The following ZNF536 variants were observed in gnomAD, a reference collection of about 807,000 sequenced individuals.
ZNF536 encodes zinc finger protein 536.
In ZNF536, 13 loss-of-function variants were observed where a neutral mutation model predicts 84.5. That is an observed-to-expected ratio of 0.15 (90% CI 0.10 to 0.24). ZNF536 has a LOEUF of 0.24. Among genes scored for constraint, ZNF536 ranks in the 10% least tolerant of loss-of-function variants. The pLI is 1.00. For missense variants in ZNF536, 1,536 were observed against 1,747.5 expected (o/e 0.88, Z 2.16); for synonymous variants, 811 against 742.5 (o/e 1.09, Z -1.50).
intron 1 of ZNF536, among the ~76,000 whole-genome samples, chr19:30,646,545 G>C (rs535878931): frequency 3.3e-5 from 5 of 152,234 alleles, no homozygotes; most frequent in African/African-American, 9.6e-5. Context: ...ACGTGTGGAT[G>C]TGTGACTTTG....
intron 1 of ZNF536, among the ~76,000 whole-genome samples, chr19:30,598,969 C>CTCT (rs1427009253): frequency 3.3e-5 from 2 of 59,892 alleles, no homozygotes; most frequent in East Asian, 4.8e-4. Flanking sequence ...TCCTCCTTCC[C>CTCT]TCCTTCCCTC....
chr19:30,240,196 C>T (rs1051153150), intron 1 of ZNF536, among the ~76,000 whole-genome samples: 1 of 151,922 alleles, frequency 6.6e-6, no homozygotes, highest in Non-Finnish European at 1.5e-5. Flanking sequence ...TGATGAAACC[C>T]CATCTGTACT....
intron 2 of ZNF536, among the ~76,000 whole-genome samples, chr19:30,472,483 T>A (rs1382963627): frequency 1.3e-5 from 2 of 152,090 alleles, no homozygotes; most frequent in African/African-American, 4.8e-5. Context: ...ATCTCAAAAG[T>A]GAGTAATGAA....
intron 1 of ZNF536, among the ~76,000 whole-genome samples, chr19:30,667,443 T>C (rs1266414988): frequency 1.3e-5 from 2 of 152,060 alleles, no homozygotes; most frequent in Non-Finnish European, 2.9e-5. Flanking sequence ...TTAGCTGCTT[T>C]CTGTGTCCAT....
At chr19:30,341,845 A>G (rs2047574867) in intron 2 of ZNF536, among the ~76,000 whole-genome samples, 1 of 152,240 alleles carries the variant, frequency 6.6e-6, no homozygotes, top group African/African-American at 2.4e-5. Context: ...TTCACAATAA[A>G]CATGTTGAAA....
chr19:30,321,972 T>C (rs2046873675), intron 2 of ZNF536, among the ~76,000 whole-genome samples: 2 of 152,146 alleles, frequency 1.3e-5, no homozygotes, highest in Non-Finnish European at 2.9e-5. Flanking sequence ...AGACAAGGTT[T>C]CACCAGTTGG....
intron 1 of ZNF536, among the ~76,000 whole-genome samples, chr19:30,375,969 A>G (rs2048803630): frequency 6.6e-6 from 1 of 152,116 alleles, no homozygotes; most frequent in East Asian, 1.9e-4. Context: ...GTTTGTGTGC[A>G]TGGGTAGCGT....
intron 1 of ZNF536, among the ~76,000 whole-genome samples, chr19:30,648,684 G>A (rs978341390): frequency 1.3e-5 from 2 of 152,182 alleles, no homozygotes; most frequent in Admixed American, 1.3e-4. Context: ...ATAGAAGTGC[G>A]TGAAATTTGC....
At position 30,445,824 on chromosome 19, in the gene ZNF536, A is replaced by G. The variant is rs2148241107; in HGVS notation, c.2170+92A>G. On this transcript the variant is annotated intron_variant, in intron 2 of 4. Coordinates refer to ENST00000355537, the MANE Select transcript of ZNF536 (RefSeq NM_014717.3). This position sits in a 1 kb window ranked among gnomAD's most constrained non-coding sequence, Gnocchi z 4.5. ...GCTCCCAGGCCTCCAGTCAGTTCCA[A>G]GGCCAGTGGGTCTTGATTGAGGACA... 2 of 1,474,146 alleles carry G rather than the reference A, an allele frequency of 1.4e-6. No individual in the cohort carries two copies. The highest frequency in any genetic ancestry group is 1.8e-6 in the Non-Finnish European group (2 of 1,109,538). 91.3% of individuals were successfully genotyped at this position (1,474,146 alleles called of 1,614,324 possible).
At chr19:30,664,202 TTTTCTCTCTCTCTCTCTCTC>T (rs1219200852) in intron 1 of ZNF536, among the ~76,000 whole-genome samples, 4,955 of 118,420 alleles carry the variant, frequency 0.042, 333 homozygotes, top group African/African-American at 0.11. Context: ...TCTTGCTGAG[TTTTCTCTCTCTCTCTCTCTC>T]TCTCTCTCTC....
intron 1 of ZNF536, among the ~76,000 whole-genome samples, chr19:30,408,482 A>G (rs930194774): frequency 3.3e-5 from 5 of 152,106 alleles, no homozygotes; most frequent in Non-Finnish European, 5.9e-5. Flanking sequence ...CCTTTTCTCC[A>G]GGAATTAGAA....
At chr19:30,706,344 G>A (rs775610352) in intron 1 of ZNF536, among the ~76,000 whole-genome samples, 11 of 152,064 alleles carry the variant, frequency 7.2e-5, no homozygotes, top group Non-Finnish European at 1.3e-4. Context: ...AAAGTTAGCC[G>A]GTCGTGGTGG....
At chr19:30,621,527 G>A (rs1311227825) in intron 1 of ZNF536, among the ~76,000 whole-genome samples, 1 of 152,172 alleles carries the variant, frequency 6.6e-6, no homozygotes, top group East Asian at 1.9e-4. Flanking sequence ...CTGAGCCCAA[G>A]AGAGCTCCAT....
intron 2 of ZNF536, among the ~76,000 whole-genome samples, chr19:30,460,580 CT>C (rs1486845397): frequency 2.6e-5 from 4 of 152,152 alleles, no homozygotes; most frequent in Middle Eastern, 3.2e-3. Flanking sequence ...CCTGCCTGTT[CT>C]CTTCTTTTTG....
intron 2 of ZNF536, among the ~76,000 whole-genome samples, chr19:30,502,695 C>T (rs1383569540): frequency 1.3e-5 from 2 of 152,030 alleles, no homozygotes; most frequent in Admixed American, 1.3e-4. Context: ...CTCTATTGCC[C>T]CTCCAGCAAA....
intron 3 of ZNF536, among the ~76,000 whole-genome samples, chr19:30,365,488 G>T (rs748701049): frequency 2.6e-5 from 4 of 152,152 alleles, no homozygotes; most frequent in Non-Finnish European, 5.9e-5. Context: ...CAGCTTTGGT[G>T]GGGGGAAGAT....
intron 2 of ZNF536, among the ~76,000 whole-genome samples, chr19:30,479,473 A>G (rs1392688642): frequency 3.3e-5 from 5 of 152,244 alleles, no homozygotes; most frequent in Non-Finnish European, 7.3e-5. Context: ...GGAAGGAGAC[A>G]GGAATTGCTA....
At chr19:30,566,613 TC>T (rs2046355928) in intron 1 of ZNF536, among the ~76,000 whole-genome samples, 1 of 152,208 alleles carries the variant, frequency 6.6e-6, no homozygotes, top group Admixed American at 6.5e-5. Flanking sequence ...ACAGTGGAGG[TC>T]CCTGGGAGTG....
At chr19:30,258,751 T>G (rs2025041694) in intron 1 of ZNF536, among the ~76,000 whole-genome samples, 1 of 151,934 alleles carries the variant, frequency 6.6e-6, no homozygotes, top group African/African-American at 2.4e-5. Context: ...AGAGTCTTGC[T>G]TTGTCACCCA....
Sources: gnomAD v4.1 joint callset for allele counts (sites outside exome capture counted in the v4.1 genomes callset) on GRCh38, gnomAD v4.1.1 for gene constraint, Gnocchi (gnomAD v3.1) non-coding constraint, MANE v1.5 for transcripts, NCBI Gene and HGNC (gene_info 2026-07-23, HGNC 2026-07-21) for gene names.